The following KCND2 variants were observed in gnomAD, a reference collection of about 807,000 sequenced individuals.
KCND2 encodes potassium voltage-gated channel subfamily D member 2.
KCND2 carries 16 observed loss-of-function variants against 54.4 expected under a neutral mutation model. The observed-to-expected ratio is 0.29, with a 90% confidence interval of 0.20 to 0.45. The LOEUF (loss-of-function observed/expected upper bound fraction) is 0.45. Among genes scored for constraint, KCND2 ranks in the 20% least tolerant of loss-of-function variants. The probability of loss-of-function intolerance (pLI) is 1.00; values close to 1 mark genes in which losing one functional copy is unlikely to be tolerated. For synonymous variants in KCND2, 317 were observed against 310.7 expected (o/e 1.02, Z -0.21); for missense variants, 486 against 824.2 (o/e 0.59, Z 5.02).
chr7:120,702,140 A>G (rs753034691), intron 1 of KCND2, among the ~76,000 whole-genome samples: 2 of 152,210 alleles, frequency 1.3e-5, no homozygotes, highest in Non-Finnish European at 2.9e-5. Context: ...GGCAAAGGAC[A>G]TGAACACTTT....
intron 2 of KCND2, among the ~76,000 whole-genome samples, chr7:120,738,744 T>C (rs2116165856): frequency 6.6e-6 from 1 of 152,150 alleles, no homozygotes; most frequent in Middle Eastern, 3.4e-3. Context: ...TCTTTTAACC[T>C]CCCAATTACA....
chr7:120,548,396 G>C (rs368234384), intron 1 of KCND2, among the ~76,000 whole-genome samples: 2 of 152,104 alleles, frequency 1.3e-5, no homozygotes, highest in African/African-American at 4.8e-5. Context: ...AGCAAGTAGA[G>C]TTCTTCTTTA....
At chr7:120,588,402 A>AGAGTGT (rs146880503) in intron 1 of KCND2, among the ~76,000 whole-genome samples, 1,913 of 141,400 alleles carry the variant, frequency 0.014, 19 homozygotes, top group East Asian at 0.033. Flanking sequence ...GCAACTGTGC[A>AGAGTGT]GTGTGTGTGT....
intron 1 of KCND2, among the ~76,000 whole-genome samples, chr7:120,376,000 C>T (rs1800831240): frequency 6.6e-6 from 1 of 151,726 alleles, no homozygotes; most frequent in South Asian, 2.1e-4. Context: ...TCAGTGCTAA[C>T]CAAGCGTAGG....
intron 1 of KCND2, among the ~76,000 whole-genome samples, chr7:120,524,563 A>C (rs1283449007): frequency 6.6e-6 from 1 of 152,188 alleles, no homozygotes; most frequent in East Asian, 1.9e-4. Context: ...TTTACCTTAG[A>C]GTCATCTTAA....
At chr7:120,563,986 C>A (rs1792266953) in intron 1 of KCND2, among the ~76,000 whole-genome samples, 1 of 152,128 alleles carries the variant, frequency 6.6e-6, no homozygotes, top group African/African-American at 2.4e-5. Flanking sequence ...AACTTAAAGA[C>A]AAAGTGTTTG....
intron 1 of KCND2, among the ~76,000 whole-genome samples, chr7:120,313,842 A>T (rs1400804559): frequency 6.6e-6 from 1 of 151,230 alleles, no homozygotes; most frequent in African/African-American, 2.4e-5. Flanking sequence ...ACATAAGCCA[A>T]CAGTTTATAC....
At chr7:120,602,145 T>C (rs1584849517) in intron 1 of KCND2, among the ~76,000 whole-genome samples, 1 of 152,308 alleles carries the variant, frequency 6.6e-6, no homozygotes, top group East Asian at 1.9e-4. Flanking sequence ...AATAGTAAAG[T>C]CATGTAAATA....
chr7:120,325,129 G>C (rs1332867751), intron 1 of KCND2, among the ~76,000 whole-genome samples: 3 of 146,544 alleles, frequency 2.0e-5, no homozygotes, highest in Non-Finnish European at 3.0e-5. Context: ...AAGAATGCTT[G>C]TGATTTTTGC....
At chr7:120,449,410 C>G (rs911170805) in intron 1 of KCND2, among the ~76,000 whole-genome samples, 1 of 152,106 alleles carries the variant, frequency 6.6e-6, no homozygotes, top group African/African-American at 2.4e-5. Context: ...ACCCTACTGG[C>G]CTTTCTCTGA....
At chr7:120,407,066 A>C (rs187020226) in intron 1 of KCND2, among the ~76,000 whole-genome samples, 36 of 152,118 alleles carry the variant, frequency 2.4e-4, no homozygotes, top group Non-Finnish European at 4.3e-4. Flanking sequence ...CAATGAAAAA[A>C]AAAATTTCCT....
At chr7:120,643,115 A>G (rs910174506) in intron 1 of KCND2, among the ~76,000 whole-genome samples, 1 of 152,228 alleles carries the variant, frequency 6.6e-6, no homozygotes, top group Non-Finnish European at 1.5e-5. Context: ...AGATCAGTAC[A>G]TACTGATATC....
chr7:120,507,933 T>C (rs1803053064), intron 1 of KCND2, among the ~76,000 whole-genome samples: 1 of 152,036 alleles, frequency 6.6e-6, no homozygotes, highest in South Asian at 2.1e-4. Context: ...TGCCAGATAT[T>C]TGAAAGTTTA....
At chr7:120,454,287 T>C (rs1802162387) in intron 1 of KCND2, among the ~76,000 whole-genome samples, 1 of 151,854 alleles carries the variant, frequency 6.6e-6, no homozygotes, top group African/African-American at 2.4e-5. Flanking sequence ...TTTAAAATAA[T>C]AAATATGATT....
intron 1 of KCND2, among the ~76,000 whole-genome samples, chr7:120,713,491 T>C (rs1452591670): frequency 6.6e-6 from 1 of 152,186 alleles, no homozygotes. Flanking sequence ...ACAGTCATGT[T>C]CCTTCAAATA....
chr7:120,686,145 T>C (rs1010801193), intron 1 of KCND2, among the ~76,000 whole-genome samples: 6 of 152,312 alleles, frequency 3.9e-5, no homozygotes, highest in African/African-American at 1.4e-4. Flanking sequence ...ATTCTAAATT[T>C]AGATTAAATG....
At chr7:120,589,613 G>A (rs1792645000) in intron 1 of KCND2, among the ~76,000 whole-genome samples, 1 of 152,130 alleles carries the variant, frequency 6.6e-6, no homozygotes. Context: ...CTATTTTGAT[G>A]TCTATTTTAA....
intron 1 of KCND2, among the ~76,000 whole-genome samples, chr7:120,445,068 C>T (rs1192197289): frequency 6.6e-6 from 1 of 152,170 alleles, no homozygotes; most frequent in East Asian, 1.9e-4. Context: ...ATGGTACTTA[C>T]AGTAAAATTG....
intron 1 of KCND2, among the ~76,000 whole-genome samples, chr7:120,577,761 A>G (rs980294525): frequency 6.6e-6 from 1 of 151,964 alleles, no homozygotes; most frequent in Admixed American, 6.6e-5. Flanking sequence ...AATTTTTTGT[A>G]TTTTTAGTAG....
Sources: gnomAD v4.1 joint callset for allele counts (sites outside exome capture counted in the v4.1 genomes callset) on GRCh38, gnomAD v4.1.1 for gene constraint, MANE v1.5 for transcripts, NCBI Gene and HGNC (gene_info 2026-07-23, HGNC 2026-07-21) for gene names.